Variants in DLG2 observed in about 807,000 individuals in gnomAD.
DLG2 encodes disks large homolog 2.
A neutral mutation model predicts 132.5 loss-of-function variants in DLG2; 45 were observed. That is an observed-to-expected ratio of 0.34 (90% confidence interval 0.27 to 0.44). DLG2 has a LOEUF of 0.44. Among genes scored for constraint, DLG2 ranks in the 20% least tolerant of loss-of-function variants. The pLI is 1.00. For missense variants in DLG2, 1,045 were observed against 1,196.9 expected (o/e 0.87, Z 1.87); for synonymous variants, 424 against 419.6 (o/e 1.01, Z -0.13).
intron 9 of DLG2, among the ~76,000 whole-genome samples, chr11:84,107,813 G>A (rs2093072124): frequency 6.6e-6 from 1 of 152,150 alleles, no homozygotes; most frequent in Non-Finnish European, 1.5e-5. Flanking sequence ...ACATCAGAGG[G>A]AAAGGTCTAG....
At chr11:85,145,670 T>G (rs2076789933) in intron 5 of DLG2, among the ~76,000 whole-genome samples, 1 of 152,044 alleles carries the variant, frequency 6.6e-6, no homozygotes, top group South Asian at 2.1e-4. Context: ...AACTTCTGCT[T>G]GATTATTTAA....
intron 11 of DLG2, among the ~76,000 whole-genome samples, chr11:84,056,131 T>C (rs747231364): frequency 2.6e-5 from 4 of 152,062 alleles, no homozygotes; most frequent in East Asian, 1.9e-4. Flanking sequence ...TAGATATACA[T>C]GTACCATGGT....
At chr11:84,259,443 G>A (rs1024471922) in intron 7 of DLG2, among the ~76,000 whole-genome samples, 1 of 152,182 alleles carries the variant, frequency 6.6e-6, no homozygotes, top group Admixed American at 6.5e-5. Flanking sequence ...CAGTGGCTTT[G>A]GCTTGTCACC....
chr11:85,208,672 G>A (rs1164678221), intron 4 of DLG2, among the ~76,000 whole-genome samples: 3 of 152,052 alleles, frequency 2.0e-5, no homozygotes, highest in Non-Finnish European at 4.4e-5. Flanking sequence ...TGCTGAGCCA[G>A]GTTAAATGAA....
Position 83,810,386 on chromosome 11 carries a change from G to A in DLG2, c.1722+23228C>T, listed in dbSNP as rs139858936. On this transcript the variant is annotated intron_variant, in intron 17 of 27. Coordinates refer to ENST00000376104, the MANE Select transcript of DLG2 (RefSeq NM_001142699.3). ...GTATGTATACATGTATATATGCTGT[G>A]TATAAAAATATAAATAATTTTGGTA... Among the ~76,000 whole-genome samples the A allele has an allele frequency of 6.1e-3, 933 of 152,136 alleles. 8 individuals carry two copies. The highest frequency in any genetic ancestry group is 0.02 in the Middle Eastern group (6 of 294).
chr11:83,807,959 C>G (rs2046335878), intron 17 of DLG2, among the ~76,000 whole-genome samples: 1 of 152,184 alleles, frequency 6.6e-6, no homozygotes, highest in African/African-American at 2.4e-5. Context: ...CTTAGGTCTG[C>G]AGGTAACACT....
chr11:84,433,663 T>G (rs1387535428), intron 7 of DLG2, among the ~76,000 whole-genome samples: 4 of 152,226 alleles, frequency 2.6e-5, no homozygotes, highest in Non-Finnish European at 5.9e-5. Context: ...GTGAATCACC[T>G]AACATCTTTG....
At chr11:84,142,192 C>A (rs1170190796) in intron 9 of DLG2, among the ~76,000 whole-genome samples, 1 of 151,848 alleles carries the variant, frequency 6.6e-6, no homozygotes, top group Admixed American at 6.6e-5. Flanking sequence ...GTCCCAGCTA[C>A]TTGGGAGGCT....
intron 7 of DLG2, among the ~76,000 whole-genome samples, chr11:84,451,647 A>G (rs1943526): frequency 0.3 from 45,458 of 151,730 alleles, 13,381 homozygotes; most frequent in African/African-American, 0.77. Flanking sequence ...CGATGCACCA[A>G]CCTGTTTATA....
intron 21 of DLG2, among the ~76,000 whole-genome samples, chr11:83,506,953 G>A (rs931626821): frequency 3.3e-5 from 5 of 152,080 alleles, no homozygotes; most frequent in African/African-American, 1.2e-4. Flanking sequence ...TCTCACTCAG[G>A]GCAATCTTAG....
intron 7 of DLG2, among the ~76,000 whole-genome samples, chr11:84,300,079 C>T (rs1567218460): frequency 6.6e-6 from 1 of 152,026 alleles, no homozygotes; most frequent in East Asian, 1.9e-4. Context: ...GACATGTAGA[C>T]TCAAACTTAT....
chr11:84,424,685 T>C (rs1301032890), intron 7 of DLG2, among the ~76,000 whole-genome samples: 2 of 152,106 alleles, frequency 1.3e-5, no homozygotes, highest in Non-Finnish European at 2.9e-5. Context: ...TATATTTTAA[T>C]AGAAGTATTA....
intron 9 of DLG2, among the ~76,000 whole-genome samples, chr11:84,161,933 T>C (rs998483817): frequency 2.6e-5 from 4 of 152,152 alleles, no homozygotes; most frequent in Non-Finnish European, 5.9e-5. Flanking sequence ...AAGTCCATAA[T>C]GGAAGTTTTA....
chr11:85,150,476 T>C (rs1351642029), intron 5 of DLG2, among the ~76,000 whole-genome samples: 1 of 152,066 alleles, frequency 6.6e-6, no homozygotes, highest in Admixed American at 6.5e-5. Context: ...AAACTGAAAC[T>C]ATATAACCAA....
chr11:84,458,448 T>C (rs1440749681), intron 7 of DLG2, among the ~76,000 whole-genome samples: 1 of 150,848 alleles, frequency 6.6e-6, no homozygotes, highest in Non-Finnish European at 1.5e-5. Flanking sequence ...CTTTTCCTAA[T>C]CTTTGCCAAA....
At chr11:84,629,779 C>T (rs369242621) in intron 6 of DLG2, among the ~76,000 whole-genome samples, 18 of 150,582 alleles carry the variant, frequency 1.2e-4, no homozygotes, top group South Asian at 4.2e-4. Context: ...GGCAGACGAA[C>T]GGAGAGAGGG....
intron 19 of DLG2, among the ~76,000 whole-genome samples, chr11:83,616,896 A>G (rs2060902983): frequency 6.6e-6 from 1 of 152,210 alleles, no homozygotes; most frequent in South Asian, 2.1e-4. Flanking sequence ...ATTTACTAAA[A>G]AGATCATCCT....
At chr11:84,976,837 A>G (rs906593863) in intron 6 of DLG2, among the ~76,000 whole-genome samples, 1 of 152,168 alleles carries the variant, frequency 6.6e-6, no homozygotes, top group East Asian at 1.9e-4. Flanking sequence ...CTATATTTTA[A>G]TCGATTCTAA....
chr11:85,061,804 AC>A (rs1342104091), intron 6 of DLG2, among the ~76,000 whole-genome samples: 1 of 151,888 alleles, frequency 6.6e-6, no homozygotes, highest in Non-Finnish European at 1.5e-5. Flanking sequence ...ACCAAAATAT[AC>A]AAAATAACTA....
Sources: allele counts gnomAD v4.1 joint callset (sites outside exome capture counted in the v4.1 genomes callset), GRCh38; gene constraint gnomAD v4.1.1; transcripts MANE v1.5; gene names NCBI Gene and HGNC (gene_info 2026-07-23, HGNC 2026-07-21).